The following MAML3 variants were observed in gnomAD, a reference collection of about 807,000 sequenced individuals.
The protein encoded by MAML3 is mastermind-like protein 3.
Under a neutral mutation model 101.9 loss-of-function variants are expected in MAML3, and 27 were observed. The ratio of observed to expected loss-of-function variants is 0.27; its 90% CI spans 0.20 to 0.37. MAML3 has a LOEUF of 0.37. MAML3 is among the 10% of genes least tolerant of loss of function. The pLI, the probability that MAML3 is intolerant of heterozygous loss-of-function variation, is 1.00. For missense variants in MAML3, 1,316 were observed against 1,444.9 expected (o/e 0.91, Z 1.45); for synonymous variants, 501 against 555.9 (o/e 0.90, Z 1.39).
chr4:139,974,682 G>A (rs769428731), intron 1 of MAML3, among the ~76,000 whole-genome samples: 6 of 151,948 alleles, frequency 3.9e-5, no homozygotes, highest in Non-Finnish European at 8.8e-5. Context: ...CAATGCCTAC[G>A]TAGAAAACAA....
At chr4:139,838,872 G>A (rs191976246) in intron 2 of MAML3, among the ~76,000 whole-genome samples, 58 of 152,252 alleles carry the variant, frequency 3.8e-4, no homozygotes, top group Non-Finnish European at 6.5e-4. Context: ...GATTTGTAAT[G>A]GTGAGGTTAA....
At chr4:139,924,368 A>G (rs1158558510) in intron 1 of MAML3, among the ~76,000 whole-genome samples, 2 of 152,200 alleles carry the variant, frequency 1.3e-5, no homozygotes, top group Non-Finnish European at 2.9e-5. Flanking sequence ...GTACATTAAG[A>G]AGGTATTTTA....
chr4:140,118,354 A>T (rs1454169012), intron 1 of MAML3, among the ~76,000 whole-genome samples: 1 of 152,068 alleles, frequency 6.6e-6, no homozygotes, highest in African/African-American at 2.4e-5. Flanking sequence ...CTATCTCATT[A>T]GGTTGAAGAT....
intron 4 of MAML3, among the ~76,000 whole-genome samples, chr4:139,722,463 CT>C (rs1293380760): frequency 6.6e-6 from 1 of 152,094 alleles, no homozygotes; most frequent in Non-Finnish European, 1.5e-5. Context: ...ATTATGTTTT[CT>C]TTTTCTTTTT....
chr4:140,015,423 A>G (rs1407128402), intron 1 of MAML3, among the ~76,000 whole-genome samples: 1 of 152,250 alleles, frequency 6.6e-6, no homozygotes, highest in Non-Finnish European at 1.5e-5. Context: ...TATAAGATTT[A>G]TAATATTCGA....
At chr4:140,095,600 C>T (rs1728143089) in intron 1 of MAML3, among the ~76,000 whole-genome samples, 2 of 152,140 alleles carry the variant, frequency 1.3e-5, no homozygotes, top group Non-Finnish European at 2.9e-5. Context: ...CCTCACTGCC[C>T]TTCTTGCCCC....
intron 2 of MAML3, among the ~76,000 whole-genome samples, chr4:139,775,765 C>A (rs1315092970): frequency 6.6e-6 from 1 of 152,180 alleles, no homozygotes; most frequent in Non-Finnish European, 1.5e-5. Context: ...CATCTGCTGA[C>A]AGGGTGAAAA....
Position 139,788,155 on chromosome 4 carries a change from T to C in MAML3, c.2080-57488A>G, listed in dbSNP as rs568117896. Among the ~76,000 whole-genome samples the C allele has an allele frequency of 2.6e-5, 4 of 152,320 alleles. No individual in the cohort carries two copies. In the South Asian group the frequency reaches 8.3e-4, roughly 32 times the overall value. ...GCTGAGAATAAATGATCCTAAAATG[T>C]TTCCCATTTCTTTTCGATATTACAT... On this transcript the variant is annotated intron_variant, in intron 2 of 4. Coordinates refer to ENST00000509479, the MANE Select transcript of MAML3 (RefSeq NM_018717.5).
intron 2 of MAML3, among the ~76,000 whole-genome samples, chr4:139,744,412 C>T (rs1729259136): frequency 6.6e-6 from 1 of 152,132 alleles, no homozygotes; most frequent in Non-Finnish European, 1.5e-5. Context: ...ATATACCACC[C>T]CCCAGGAGCA....
At chr4:139,982,799 A>G (rs766790054) in intron 1 of MAML3, among the ~76,000 whole-genome samples, 2 of 152,084 alleles carry the variant, frequency 1.3e-5, no homozygotes, top group Non-Finnish European at 2.9e-5. Flanking sequence ...CTTCACTGTA[A>G]CCTCCACTTC....
intron 2 of MAML3, among the ~76,000 whole-genome samples, chr4:139,857,067 A>G (rs1335016112): frequency 1.3e-5 from 2 of 152,242 alleles, no homozygotes; most frequent in African/African-American, 2.4e-5. Flanking sequence ...AATAAATTCC[A>G]CCCAAAGCAA....
intron 1 of MAML3, among the ~76,000 whole-genome samples, chr4:140,088,881 A>G (rs1728000088): frequency 6.6e-6 from 1 of 152,188 alleles, no homozygotes; most frequent in African/African-American, 2.4e-5. Flanking sequence ...TGTATCTCCC[A>G]CAGTTCGGTG....
At position 139,864,995 on chromosome 4, in the gene MAML3, C is replaced by T. The variant is rs146966243; in HGVS notation, c.2079+24362G>A. ...TGTTATGTTCTTCCCTCTTAAATCA[C>T]TCAAACATTTTATTTATAAAACAAA... On this transcript the variant is annotated intron_variant, in intron 2 of 4. Coordinates refer to ENST00000509479, the MANE Select transcript of MAML3 (RefSeq NM_018717.5). Among the ~76,000 whole-genome samples, 877 of 113,492 alleles carry T rather than the reference C, an allele frequency of 7.7e-3. 11 individuals carry two copies. Among genetic ancestry groups the T allele is most frequent in the African/African-American group, 0.029 (854 of 29,530 alleles). The allele number at this position is 113,492 out of a possible 152,430, so 74.5% of individuals were successfully genotyped here.
chr4:140,135,873 C>T (rs1728874051), intron 1 of MAML3, among the ~76,000 whole-genome samples: 1 of 152,250 alleles, frequency 6.6e-6, no homozygotes, highest in Non-Finnish European at 1.5e-5. Context: ...ATCAGTGTAA[C>T]CACGCTTGAT....
At chr4:140,001,294 G>C (rs1183518838) in intron 1 of MAML3, among the ~76,000 whole-genome samples, 1 of 152,176 alleles carries the variant, frequency 6.6e-6, no homozygotes, top group Non-Finnish European at 1.5e-5. Flanking sequence ...CAGTTTGAAG[G>C]CTCCAAATTG....
intron 2 of MAML3, among the ~76,000 whole-genome samples, chr4:139,817,827 G>T (rs1241164036): frequency 6.6e-6 from 1 of 152,126 alleles, no homozygotes; most frequent in African/African-American, 2.4e-5. Flanking sequence ...CTTTCCTCTG[G>T]CTCTCTGCAC....
At chr4:139,874,152 C>T (rs1291073209) in intron 2 of MAML3, among the ~76,000 whole-genome samples, 1 of 152,092 alleles carries the variant, frequency 6.6e-6, no homozygotes, top group Non-Finnish European at 1.5e-5. Context: ...TTCTCATCTA[C>T]TGAGGTACCA....
At chr4:139,780,774 G>C (rs1730186611) in intron 2 of MAML3, among the ~76,000 whole-genome samples, 2 of 151,968 alleles carry the variant, frequency 1.3e-5, no homozygotes, top group Admixed American at 1.3e-4. Flanking sequence ...GGGATTACAA[G>C]TGCGCGCCAC....
chr4:139,765,501 G>A (rs958305828), intron 2 of MAML3, among the ~76,000 whole-genome samples: 1 of 152,210 alleles, frequency 6.6e-6, no homozygotes, highest in African/African-American at 2.4e-5. Flanking sequence ...TATCACATAG[G>A]CTAAAGGATT....
Sources: allele counts gnomAD v4.1 joint callset (sites outside exome capture counted in the v4.1 genomes callset), GRCh38; gene constraint gnomAD v4.1.1; transcripts MANE v1.5; gene names NCBI Gene and HGNC (gene_info 2026-07-23, HGNC 2026-07-21).